ANTXR2: variants seen among roughly 807,000 people sequenced by gnomAD.
The protein encoded by ANTXR2 is anthrax toxin receptor 2.
ANTXR2 carries 44 observed loss-of-function variants against 73.7 expected under a neutral mutation model. That is an observed-to-expected ratio of 0.60 (90% confidence interval 0.47 to 0.77). The LOEUF is 0.77. Among genes scored for constraint, ANTXR2 ranks in the 30% least tolerant of loss-of-function variants. The probability of loss-of-function intolerance (pLI) is 0.00; values close to 1 mark genes in which losing one functional copy is unlikely to be tolerated. For missense variants in ANTXR2, 604 were observed against 592.5 expected (o/e 1.02, Z -0.20); for synonymous variants, 217 against 205.9 (o/e 1.05, Z -0.46).
intron 16 of ANTXR2, among the ~76,000 whole-genome samples, chr4:79,954,105 T>C (rs1219949247): frequency 6.6e-6 from 1 of 152,166 alleles, no homozygotes; most frequent in Non-Finnish European, 1.5e-5. Context: ...TATTTAAAGT[T>C]AGAGTTAATA....
At chr4:80,029,008 C>T (rs192278703) in intron 10 of ANTXR2, among the ~76,000 whole-genome samples, 3 of 152,270 alleles carry the variant, frequency 2.0e-5, no homozygotes, top group East Asian at 3.9e-4. Context: ...CTTTTAGACA[C>T]ATCTCTGTCC....
At chr4:79,932,133 A>G (rs1405419469) in intron 16 of ANTXR2, among the ~76,000 whole-genome samples, 1 of 152,206 alleles carries the variant, frequency 6.6e-6, no homozygotes, top group Admixed American at 6.5e-5. Flanking sequence ...CTGATCTCTC[A>G]CAGTGCCTGG....
chr4:80,072,831 C>G lies in ANTXR2; in HGVS notation c.-271G>C. 6.8e-6 allele frequency: 5 copies of G among 734,068 alleles called. No individual in the cohort carries two copies. The highest frequency in any genetic ancestry group is 9.4e-6 in the Non-Finnish European group (5 of 533,594). 45.5% of individuals were successfully genotyped at this position (734,068 alleles called of 1,614,324 possible). On this transcript the variant is annotated 5_prime_UTR_variant, in exon 1 of 17. Coordinates refer to ENST00000403729, the MANE Select transcript of ANTXR2 (RefSeq NM_058172.6). ...AAGCGCGATCCAGTCCTCCCCCTCCCGATTCCGGAGAGTTCCTGCAGACAA... is the reference window on the plus strand; with the variant it reads ...AAGCGCGATCCAGTCCTCCCCCTCCGGATTCCGGAGAGTTCCTGCAGACAA...
intron 16 of ANTXR2, among the ~76,000 whole-genome samples, chr4:79,960,734 T>TA (rs1179316611): frequency 1.3e-5 from 2 of 151,912 alleles, no homozygotes; most frequent in African/African-American, 4.8e-5. Flanking sequence ...TCTTAAATGT[T>TA]AGAGGTTGGA....
chr4:80,067,001 C>T (rs1001027842), intron 3 of ANTXR2, among the ~76,000 whole-genome samples: 2 of 151,996 alleles, frequency 1.3e-5, no homozygotes, highest in African/African-American at 4.8e-5. Context: ...ATCAGGAGAT[C>T]GAGACCATCC....
intron 14 of ANTXR2, among the ~76,000 whole-genome samples, chr4:79,981,357 T>C (rs13150627): frequency 0.069 from 10,566 of 152,268 alleles, 446 homozygotes; most frequent in Middle Eastern, 0.11. Context: ...GGGTCACAGT[T>C]GACACTTTGT....
intron 14 of ANTXR2, among the ~76,000 whole-genome samples, chr4:79,980,811 A>C (rs1729854511): frequency 6.6e-6 from 1 of 152,086 alleles, no homozygotes; most frequent in Non-Finnish European, 1.5e-5. Context: ...AATTCTAGGT[A>C]AAAATCCCTA....
chr4:80,067,820 G>A (rs1734578580), intron 3 of ANTXR2, among the ~76,000 whole-genome samples: 1 of 152,114 alleles, frequency 6.6e-6, no homozygotes, highest in African/African-American at 2.4e-5. Context: ...ACACAGGGAG[G>A]GGAACAACGC....
In ANTXR2 at chr4:80,004,037, A is replaced by G. The variant is rs1731185188; in HGVS notation, c.1041+4484T>C. 2.0e-5 allele frequency among the ~76,000 whole-genome samples: 3 copies of G among 152,126 alleles called. 1 individual carries two copies. The South Asian group carries it at 6.2e-4, about 32-fold the overall frequency. On this transcript the variant is annotated intron_variant, in intron 12 of 16. Transcript: ENST00000403729. Reference sequence around the variant, plus strand: ...TTTTTCAACAGGTGAATAATTCAACAGACTGTGGTACATCTACACCATTAA... The same window carrying G: ...TTTTTCAACAGGTGAATAATTCAACGGACTGTGGTACATCTACACCATTAA...
At chr4:80,024,800 G>A (rs1205152199) in intron 10 of ANTXR2, 4 of 359,188 alleles carry the variant, frequency 1.1e-5, no homozygotes, top group Non-Finnish European at 2.2e-5. Context: ...AAAAACAAAA[G>A]TAGTCTAAAG....
chr4:80,005,722 C>G (rs970967121), intron 12 of ANTXR2, among the ~76,000 whole-genome samples: 6 of 152,076 alleles, frequency 3.9e-5, no homozygotes, highest in Admixed American at 1.3e-4. Flanking sequence ...CAATATCTGT[C>G]ACTGCCTTTC....
intron 7 of ANTXR2, among the ~76,000 whole-genome samples, chr4:80,045,688 A>C (rs1282499970): frequency 6.6e-6 from 1 of 151,698 alleles, no homozygotes; most frequent in Non-Finnish European, 1.5e-5. Context: ...GAAAAGTATT[A>C]GTTTTAAAGG....
intron 3 of ANTXR2, among the ~76,000 whole-genome samples, chr4:80,061,666 T>A (rs985768912): frequency 2.0e-5 from 3 of 152,108 alleles, no homozygotes; most frequent in Non-Finnish European, 4.4e-5. Context: ...TGCTAATGAT[T>A]TATAATTCAC....
rs1361886123 is a variant in ANTXR2 at position 79,903,867 on chromosome 4, C to A, written c.*3562G>T. The stretch of plus-strand genomic sequence containing the variant: ...TATATTTCTTTCCTGTGTACATATA[C>A]CCACCAAACTTTTCCAGTAGTAATG... On this transcript the variant is annotated 3_prime_UTR_variant, in exon 17 of 17. Coordinates refer to ENST00000403729, the MANE Select transcript of ANTXR2 (RefSeq NM_058172.6). 6.6e-6 allele frequency: 1 copy of A among 152,074 alleles called. No individual in the cohort carries two copies. Among genetic ancestry groups the A allele is most frequent in the Non-Finnish European group, 1.5e-5 (1 of 68,012 alleles). The allele number at this position is 152,074 out of a possible 1,614,324, so 9.4% of individuals were successfully genotyped here. A position where few individuals can be genotyped will look rare whatever the true frequency, so the allele number is the denominator to read the frequency against.
intron 3 of ANTXR2, 31 bp from the exon 4 acceptor site, chr4:80,056,044 G>A: frequency 7.2e-7 from 1 of 1,398,168 alleles, no homozygotes; most frequent in Non-Finnish European, 9.7e-7. Context: ...AAGAAAAAAT[G>A]AGCAAAGAGC....
chr4:79,991,545 A>C (rs1460523475), intron 12 of ANTXR2, among the ~76,000 whole-genome samples: 1 of 152,126 alleles, frequency 6.6e-6, no homozygotes, highest in Non-Finnish European at 1.5e-5. Context: ...AGCAGTTTGA[A>C]GATTTCTCAG....
intron 11 of ANTXR2, among the ~76,000 whole-genome samples, chr4:80,013,939 A>G (rs1244962042): frequency 1.3e-5 from 2 of 152,222 alleles, no homozygotes; most frequent in Non-Finnish European, 2.9e-5. Context: ...AATAAAAGTC[A>G]TAAGAAAGAG....
At chr4:79,998,766 A>G (rs1346751983) in intron 12 of ANTXR2, among the ~76,000 whole-genome samples, 2 of 152,028 alleles carry the variant, frequency 1.3e-5, no homozygotes, top group Non-Finnish European at 2.9e-5. Context: ...CAGACTCTTA[A>G]ACAGATGTTA....
chr4:79,935,911 G>C (rs1389856333), intron 16 of ANTXR2, among the ~76,000 whole-genome samples: 4 of 152,166 alleles, frequency 2.6e-5, no homozygotes, highest in Admixed American at 6.5e-5. Context: ...CTTTGTTAAA[G>C]AGTGACACTT....
Sources: gnomAD v4.1 joint callset for allele counts (sites outside exome capture counted in the v4.1 genomes callset) on GRCh38, gnomAD v4.1.1 for gene constraint, MANE v1.5 for transcripts, NCBI Gene and HGNC (gene_info 2026-07-23, HGNC 2026-07-21) for gene names.